The following PTPN12 variants were observed in gnomAD, a reference collection of about 807,000 sequenced individuals.
PTPN12 encodes the protein protein tyrosine phosphatase non-receptor type 12, also known as tyrosine-protein phosphatase non-receptor type 12.
Under a neutral mutation model 97.6 loss-of-function variants are expected in PTPN12, and 29 were observed. The observed-to-expected ratio is 0.30, with a 90% CI of 0.22 to 0.41. The LOEUF is 0.41. Ranked by LOEUF, PTPN12 falls within the 10% of genes least tolerant of loss-of-function variation. The pLI is 1.00. For synonymous variants in PTPN12, 327 were observed against 300.4 expected (o/e 1.09, Z -0.91); for missense variants, 819 against 926.0 (o/e 0.88, Z 1.50).
At chr7:77,589,144 G>A (rs967364532) in intron 5 of PTPN12, among the ~76,000 whole-genome samples, 2 of 152,126 alleles carry the variant, frequency 1.3e-5, no homozygotes, top group Non-Finnish European at 2.9e-5. Context: ...AAAGTGCTGG[G>A]ATTACAGGCA....
intron 12 of PTPN12, among the ~76,000 whole-genome samples, chr7:77,624,774 A>G (rs1562758061): frequency 6.6e-6 from 1 of 152,002 alleles, no homozygotes; most frequent in African/African-American, 2.4e-5. Context: ...CTGGTGTACC[A>G]TGTGATTACT....
chr7:77,597,368 C>G (rs972770123), intron 6 of PTPN12, among the ~76,000 whole-genome samples: 10 of 152,168 alleles, frequency 6.6e-5, no homozygotes, highest in Non-Finnish European at 1.0e-4. Flanking sequence ...AGTGATCCAC[C>G]TGCCTCAGCC....
chr7:77,588,298 A>G (rs1237100147), intron 5 of PTPN12, among the ~76,000 whole-genome samples: 1 of 152,138 alleles, frequency 6.6e-6, no homozygotes, highest in African/African-American at 2.4e-5. Flanking sequence ...TTGTAGGGTT[A>G]TTAGTTAGTC....
chr7:77,597,884 T>C lies in PTPN12; in HGVS notation c.535T>C (p.Leu179=), dbSNP rs1405309278. The change falls in exon 7 of 18, where the codon TTA becomes CTA. Residue 179 remains leucine, a synonymous_variant. Coordinates refer to ENST00000248594, the MANE Select transcript of PTPN12 (RefSeq NM_002835.4). ...AACAGACTACTTCATCAGGACACTC[T>C]TACTTGAATTTCAAAATGTAGGTAC... ...ARTDYFIRTL[L]LEFQNESRRL... The C allele has an allele frequency of 6.2e-7, 1 of 1,612,668 alleles. No homozygotes were observed. Among genetic ancestry groups the C allele is most frequent in the South Asian group, 1.1e-5 (1 of 90,582 alleles).
intron 1 of PTPN12, among the ~76,000 whole-genome samples, chr7:77,539,332 A>G (rs897990943): frequency 6.6e-6 from 1 of 152,218 alleles, no homozygotes; most frequent in Non-Finnish European, 1.5e-5. Flanking sequence ...AATCTAACTT[A>G]TTCCTTATTA....
At chr7:77,541,907 T>C (rs1806993006) in intron 1 of PTPN12, among the ~76,000 whole-genome samples, 2 of 152,240 alleles carry the variant, frequency 1.3e-5, no homozygotes, top group Admixed American at 1.3e-4. Flanking sequence ...AATTTGTGGC[T>C]GATCCAGAAT....
intron 1 of PTPN12, among the ~76,000 whole-genome samples, chr7:77,562,656 G>T (rs189716616): frequency 1.4e-4 from 21 of 152,246 alleles, no homozygotes; most frequent in Admixed American, 3.9e-4. Context: ...AATATATACA[G>T]GGACATTAGA....
chr7:77,564,736 T>C, intron 1 of PTPN12, among the ~76,000 whole-genome samples: 1 of 145,208 alleles, frequency 6.9e-6, no homozygotes, highest in African/African-American at 2.5e-5. Flanking sequence ...TTGTTGTTTT[T>C]TGTTGTCGTG....
intron 1 of PTPN12, among the ~76,000 whole-genome samples, chr7:77,555,871 C>T (rs751924443): frequency 2.1e-4 from 32 of 152,010 alleles, no homozygotes; most frequent in Non-Finnish European, 4.1e-4. Context: ...GCCGAGATCA[C>T]ACCATTGCAC....
intron 16 of PTPN12, among the ~76,000 whole-genome samples, chr7:77,638,115 G>A (rs972728065): frequency 1.2e-4 from 18 of 150,994 alleles, no homozygotes; most frequent in Non-Finnish European, 1.8e-4. Context: ...CCGCCACCAC[G>A]CCTGGCTAAT....
intron 8 of PTPN12, among the ~76,000 whole-genome samples, chr7:77,604,466 G>A (rs1040628837): frequency 8.7e-5 from 13 of 149,730 alleles, no homozygotes; most frequent in Admixed American, 7.9e-4. Flanking sequence ...CACCTGCCTC[G>A]GCCTCCCAAA....
intron 2 of PTPN12, among the ~76,000 whole-genome samples, chr7:77,573,877 C>T (rs573033213): frequency 1.3e-5 from 2 of 152,328 alleles, no homozygotes; most frequent in South Asian, 4.1e-4. Flanking sequence ...TTTCCTGCCT[C>T]AGCCTCCCAA....
rs1459390644 is a variant in PTPN12 at position 77,625,563 on chromosome 7, CTCTTTTTTT to C, written c.1026-1140_1026-1132del. ...TCGCGCTCTCTCTCTCGCTCTCTCT[CTCTTTTTTT>C]TTTTTTTTTTTTTTTTGGAGACAGT... On this transcript the variant is annotated intron_variant, in intron 12 of 17. Coordinates refer to ENST00000248594, the MANE Select transcript of PTPN12 (RefSeq NM_002835.4). Among the ~76,000 whole-genome samples the C allele has an allele frequency of 1.1e-3, 30 of 27,784 alleles. 4 individuals carry two copies. The highest frequency in any genetic ancestry group is 6.0e-3 in the East Asian group (2 of 336). The allele number at this position is 27,784 out of a possible 152,430, so 18.2% of individuals were successfully genotyped here.
chr7:77,586,623 T>C (rs1562730145), intron 5 of PTPN12, among the ~76,000 whole-genome samples: 1 of 152,194 alleles, frequency 6.6e-6, no homozygotes, highest in Non-Finnish European at 1.5e-5. Context: ...CCACATTGAT[T>C]GTCTCTTCCT....
chr7:77,596,656 T>C (rs1753906060), intron 6 of PTPN12, among the ~76,000 whole-genome samples: 1 of 152,216 alleles, frequency 6.6e-6, no homozygotes, highest in South Asian at 2.1e-4. Flanking sequence ...AAGCGATCCG[T>C]CCACCTCAGC....
At chr7:77,573,105 CAAAAA>C (rs1188949235) in intron 2 of PTPN12, among the ~76,000 whole-genome samples, 1 of 47,844 alleles carries the variant, frequency 2.1e-5, no homozygotes, top group South Asian at 6.3e-4. Flanking sequence ...AACAAAAAAA[CAAAAA>C]AAACCAGTGT....
At chr7:77,573,507 C>G (rs1241444408) in intron 2 of PTPN12, among the ~76,000 whole-genome samples, 3 of 152,164 alleles carry the variant, frequency 2.0e-5, no homozygotes, top group Non-Finnish European at 4.4e-5. Context: ...AAGGCCCTAC[C>G]ACTTAATACT....
rs544396868 is a variant in PTPN12, at chr7:77,587,180, G to C, written c.420+1599G>C. On this transcript the variant is annotated intron_variant, in intron 5 of 17. Coordinates refer to ENST00000248594, the MANE Select transcript of PTPN12 (RefSeq NM_002835.4). ...CAGTTCACTTTCCCTAGACCCATCA[G>C]AGTAATCATGATTTATGGCAGCTTT... is the stretch of plus-strand genomic sequence containing the variant. 2.6e-5 allele frequency among the ~76,000 whole-genome samples: 4 copies of C among 152,176 alleles called. No individual in the cohort carries two copies. The East Asian group carries it at 7.7e-4, about 29-fold the overall frequency.
At chr7:77,604,404 G>A (rs1472311930) in intron 8 of PTPN12, among the ~76,000 whole-genome samples, 2 of 151,212 alleles carry the variant, frequency 1.3e-5, no homozygotes, top group East Asian at 3.9e-4. Context: ...TAGTAGAGTT[G>A]GGGATTCTCC....
Sources: gnomAD v4.1 joint callset for allele counts (sites outside exome capture counted in the v4.1 genomes callset) on GRCh38, gnomAD v4.1.1 for gene constraint, MANE v1.5 for transcripts, NCBI Gene and HGNC (gene_info 2026-07-23, HGNC 2026-07-21) for gene names.